The following USP48 variants were observed in gnomAD, a reference collection of about 807,000 sequenced individuals.
USP48 encodes the protein ubiquitin carboxyl-terminal hydrolase 48.
USP48 carries 43 observed loss-of-function variants against 150.7 expected under a neutral mutation model. That is an observed-to-expected ratio of 0.29 (90% confidence interval 0.22 to 0.37). USP48 has a LOEUF of 0.37. Ranked by LOEUF, USP48 falls within the 10% of genes least tolerant of loss-of-function variation. The probability of loss-of-function intolerance (pLI) is 1.00; values close to 1 mark genes in which losing one functional copy is unlikely to be tolerated. For missense variants in USP48, 813 were observed against 1,249.6 expected (o/e 0.65, Z 5.27); for synonymous variants, 396 against 425.9 (o/e 0.93, Z 0.86).
chr1:21,679,455 CACGTG>C lies in USP48; in HGVS notation c.3086-21_3086-17del. 6 of 1,613,918 alleles carry C rather than the reference CACGTG, an allele frequency of 3.7e-6. No individual in the cohort carries two copies. Among genetic ancestry groups the C allele is most frequent in the Non-Finnish European group, 4.2e-6 (5 of 1,179,986 alleles). The stretch of plus-strand genomic sequence containing the variant: ...AGACCAGTACCTGGGAAAAGAAACA[CACGTG>C]GAGGGATAGTTGTGAACTACAGATT... On this transcript the variant is annotated splice_polypyrimidine_tract_variant and intron_variant, in intron 26 of 26. Coordinates refer to ENST00000308271, the MANE Select transcript of USP48 (RefSeq NM_032236.8).
intron 24 of USP48, among the ~76,000 whole-genome samples, 181 bp from the exon 25 acceptor site, chr1:21,687,420 G>A: frequency 6.6e-6 from 1 of 152,234 alleles, no homozygotes; most frequent in East Asian, 1.9e-4. Flanking sequence ...TGCTGGCTAT[G>A]GGTCTAGAGT....
intron 1 of USP48, among the ~76,000 whole-genome samples, chr1:21,778,091 C>T (rs1200490286): frequency 6.7e-6 from 1 of 150,202 alleles, no homozygotes; most frequent in African/African-American, 2.4e-5. Flanking sequence ...TACAGTGAGC[C>T]GAGATGGCAT....
chr1:21,767,171 T>C (rs1023692095), intron 1 of USP48, among the ~76,000 whole-genome samples: 2 of 152,208 alleles, frequency 1.3e-5, no homozygotes, highest in South Asian at 2.1e-4. Flanking sequence ...CACCTCAGCC[T>C]TCCAAATAGC....
chr1:21,773,579 A>C lies in USP48; in HGVS notation c.134+9245T>G, dbSNP rs531536366. 1.4e-4 allele frequency among the ~76,000 whole-genome samples: 22 copies of C among 152,316 alleles called. No individual in the cohort carries two copies. In the South Asian group the frequency reaches 3.1e-3, roughly 22 times the overall value. On this transcript the variant is annotated intron_variant, in intron 1 of 26. Transcript: ENST00000308271. ...TGAAAATAAGATGCTATTTTTCGCT[A>C]ATCAGATGGAAGCTGGGAATAGAAA...
chr1:21,751,179 C>T (rs333195), intron 6 of USP48, among the ~76,000 whole-genome samples: 2 of 152,078 alleles, frequency 1.3e-5, no homozygotes, highest in African/African-American at 4.8e-5. Flanking sequence ...AGCACATTCT[C>T]GTTTTCATTA....
chr1:21,773,823 C>T (rs917882824), intron 1 of USP48, among the ~76,000 whole-genome samples: 4 of 151,770 alleles, frequency 2.6e-5, no homozygotes, highest in African/African-American at 9.7e-5. Context: ...CAAAGTCCAT[C>T]AACAGGAAAC....
In USP48 at chr1:21,752,556, C is replaced by T. The variant is rs761417885; in HGVS notation, c.636G>A (p.Gln212=). Residue 212 remains glutamine (Q), a synonymous_variant, in exon 5 of 27, where the codon CAG becomes CAA. Coordinates refer to ENST00000308271, the MANE Select transcript of USP48 (RefSeq NM_032236.8). The part of the protein sequence containing the change: ...NPDVRNIVQQ[Q]FCGEYAYVTV... ...TTACATAGGCATATTCTCCACAGAA[C>T]TGCTGTTGAACAATATTGCGCACAT... 1.9e-6 allele frequency: 3 copies of T among 1,613,326 alleles called. No homozygotes were observed. The highest frequency in any genetic ancestry group is 2.5e-6 in the Non-Finnish European group (3 of 1,179,872).
intron 21 of USP48, 23 bp from the exon 22 acceptor site, chr1:21,701,625 G>A (rs2097657235): frequency 1.2e-6 from 2 of 1,608,710 alleles, no homozygotes; most frequent in East Asian, 2.2e-5. Context: ...GGACAACAAA[G>A]AGAAGTAGGT....
intron 26 of USP48, 85 bp from the exon 27 acceptor site, chr1:21,679,524 A>G: frequency 6.6e-7 from 1 of 1,519,472 alleles, no homozygotes; most frequent in Non-Finnish European, 9.1e-7. Context: ...ACACATCATC[A>G]ACAGGGAGCA....
At chr1:21,703,694 T>C (rs1255991913) in intron 20 of USP48, 76 bp from the exon 21 acceptor site, 4 of 1,133,498 alleles carry the variant, frequency 3.5e-6, no homozygotes, top group Non-Finnish European at 5.1e-6. Context: ...TCTAAAAACA[T>C]ATGTCAAAGT....
At chr1:21,764,913 A>T (rs2097858256) in intron 1 of USP48, among the ~76,000 whole-genome samples, 1 of 152,154 alleles carries the variant, frequency 6.6e-6, no homozygotes, top group Non-Finnish European at 1.5e-5. Context: ...TTTCATTAGC[A>T]TACAAAAAGA....
At position 21,687,198 on chromosome 1, in the gene USP48, G is replaced by C; in HGVS notation, c.3051C>G (p.Val1017=). Reference sequence around the variant, plus strand: ...AAACAAATTCATCTTTACCTTGCATGACATCATCCATTGCAGCATAATCTG... The same window carrying C: ...AAACAAATTCATCTTTACCTTGCATCACATCATCCATTGCAGCATAATCTG... The part of the protein sequence containing the change: ...PIADYAAMDD[V]MQVCMPEEGF... Residue 1017 remains valine (V), a synonymous_variant, in exon 25 of 27, where the codon GTC becomes GTG. Transcript: ENST00000308271. 6.2e-7 allele frequency: 1 copy of C among 1,612,958 alleles called. No individual in the cohort carries two copies. Among genetic ancestry groups the C allele is most frequent in the African/African-American group, 1.3e-5 (1 of 75,020 alleles).
At chr1:21,774,544 G>C (rs139638930) in intron 1 of USP48, among the ~76,000 whole-genome samples, 1 of 151,652 alleles carries the variant, frequency 6.6e-6, no homozygotes, top group East Asian at 1.9e-4. Context: ...AAAATTAGCC[G>C]GGTGTGGTGG....
intron 8 of USP48, among the ~76,000 whole-genome samples, chr1:21,742,709 C>T (rs936445382): frequency 5.3e-5 from 8 of 152,104 alleles, no homozygotes; most frequent in African/African-American, 1.9e-4. Flanking sequence ...TCTGTGTAAG[C>T]CAGGGAACCT....
chr1:21,691,757 C>A lies in USP48; in HGVS notation c.2884-1658G>T, dbSNP rs571296649. Among the ~76,000 whole-genome samples the A allele has an allele frequency of 2.4e-4, 36 of 152,246 alleles. 2 individuals carry two copies. In the South Asian group the frequency reaches 5.6e-3, roughly 24 times the overall value. On this transcript the variant is annotated intron_variant, in intron 23 of 26. Transcript: ENST00000308271. Reference sequence around the variant, plus strand: ...CTGGGTCATGTTTACCTCTGGAGGGCAAGAAGAAGTTGGGCTCAGACAGGC... The same window carrying A: ...CTGGGTCATGTTTACCTCTGGAGGGAAAGAAGAAGTTGGGCTCAGACAGGC...
rs191450391 is a variant in USP48 at position 21,735,522 on chromosome 1, A to G, written c.1171+924T>C. Among the ~76,000 whole-genome samples the G allele has an allele frequency of 2.2e-3, 337 of 152,342 alleles. 2 individuals are homozygous for G. Among genetic ancestry groups the G allele is most frequent in the African/African-American group, 7.0e-3 (290 of 41,582 alleles). On this transcript the variant is annotated intron_variant, in intron 9 of 26. Transcript: ENST00000308271. ...TCCCAGCACTTTGGGAGTTCAAGGC[A>G]GGCAGATCACTGGAGGCCAGGAACT...
At chr1:21,734,523 A>G (rs1041183196) in intron 9 of USP48, among the ~76,000 whole-genome samples, 1 of 152,212 alleles carries the variant, frequency 6.6e-6, no homozygotes, top group Non-Finnish European at 1.5e-5. Flanking sequence ...CTCGAAAGCA[A>G]ATCTCAACTG....
At chr1:21,727,851 T>C (rs2097743568) in intron 11 of USP48, 23 of 970,898 alleles carry the variant, frequency 2.4e-5, no homozygotes, top group Non-Finnish European at 2.8e-5. Context: ...ACAAGTACAA[T>C]TATGCTTAAG....
At chr1:21,743,603 AAAG>A (rs1469425758) in intron 8 of USP48, among the ~76,000 whole-genome samples, 4 of 152,188 alleles carry the variant, frequency 2.6e-5, no homozygotes, top group African/African-American at 9.7e-5. Flanking sequence ...GTAAAATGCT[AAAG>A]AAGAAAAAAA....
Sources: allele counts gnomAD v4.1 joint callset (sites outside exome capture counted in the v4.1 genomes callset), GRCh38; gene constraint gnomAD v4.1.1; transcripts MANE v1.5; gene names NCBI Gene and HGNC (gene_info 2026-07-23, HGNC 2026-07-21).